Variants in NVL observed in about 807,000 individuals in gnomAD.
NVL encodes nuclear valosin-containing protein-like.
In NVL, 84 loss-of-function variants were observed where a neutral mutation model predicts 110.2. The observed-to-expected ratio is 0.76, with a 90% CI of 0.64 to 0.91. The LOEUF is 0.91. NVL is among the 40% of genes least tolerant of loss of function. NVL has a pLI of 0.00. For missense variants in NVL, 882 were observed against 1,035.9 expected (o/e 0.85, Z 2.04); for synonymous variants, 354 against 361.1 (o/e 0.98, Z 0.22).
chr1:224,235,014 G>A (rs925956944), intron 20 of NVL, among the ~76,000 whole-genome samples: 2 of 152,038 alleles, frequency 1.3e-5, no homozygotes, highest in African/African-American at 4.8e-5. Flanking sequence ...TGTTGCCCAA[G>A]CTGGTCTTGA....
At chr1:224,250,413 G>A in intron 18 of NVL, 95 bp from the exon 19 acceptor site, 1 of 1,140,688 alleles carries the variant, frequency 8.8e-7, no homozygotes. Context: ...CTCCCAGGCT[G>A]GAGTGCAGTG....
chr1:224,295,960 CAAAAAA>C (rs942085228), intron 11 of NVL, among the ~76,000 whole-genome samples: 1 of 41,842 alleles, frequency 2.4e-5, no homozygotes, highest in Non-Finnish European at 4.7e-5. Flanking sequence ...GACTCTGTCT[CAAAAAA>C]AAAAAAAAAA....
intron 6 of NVL, among the ~76,000 whole-genome samples, chr1:224,307,251 G>C (rs1572023497): frequency 6.6e-6 from 1 of 152,160 alleles, no homozygotes; most frequent in African/African-American, 2.4e-5. Context: ...TGTACTTAGA[G>C]TTTGTAAAAT....
Position 224,268,126 on chromosome 1 carries a change from GC to G in NVL, c.2089del (p.Ala697GlnfsTer6). ...CPRRSDRETG[A>X]SVRVVNQLLT... ...TAGCTGATTCACCACTCGGACACTTGCCCCTGTCTAAAAAGACATAAATCTG... is the reference window on the plus strand; with the variant it reads ...TAGCTGATTCACCACTCGGACACTTGCCCTGTCTAAAAAGACATAAATCTG... On this transcript the variant is annotated frameshift_variant, in exon 18 of 23. Transcript: ENST00000281701. LOFTEE classifies it high-confidence loss of function. The G allele has an allele frequency of 6.2e-7, 1 of 1,612,210 alleles. No homozygotes were observed. Among genetic ancestry groups the G allele is most frequent in the East Asian group, 2.2e-5 (1 of 44,844 alleles).
At chr1:224,286,842 G>A (rs1028535607) in intron 14 of NVL, among the ~76,000 whole-genome samples, 5 of 152,010 alleles carry the variant, frequency 3.3e-5, no homozygotes, top group African/African-American at 4.8e-5. Flanking sequence ...CCTCTAAATC[G>A]ATCATATTTC....
rs190795730 is a variant in NVL, at chr1:224,321,344, G to A, written c.132-3414C>T. The stretch of plus-strand genomic sequence containing the variant: ...TGAGCCATACAAAACAAGGTGGTAG[G>A]CAGGAACTGGTTTGAGGGCCATAGT... On this transcript the variant is annotated intron_variant, in intron 2 of 22. Coordinates refer to ENST00000281701, the MANE Select transcript of NVL (RefSeq NM_002533.4). 2.0e-5 allele frequency among the ~76,000 whole-genome samples: 3 copies of A among 152,314 alleles called. No homozygotes were observed. The East Asian group carries it at 5.8e-4, about 29-fold the overall frequency.
intron 4 of NVL, among the ~76,000 whole-genome samples, chr1:224,313,989 C>T (rs970675770): frequency 9.9e-5 from 15 of 151,962 alleles, no homozygotes; most frequent in Non-Finnish European, 1.6e-4. Flanking sequence ...GGTGACAGAG[C>T]GAGATTCTGT....
chr1:224,237,521 C>T (rs1324610187), intron 19 of NVL, among the ~76,000 whole-genome samples: 1 of 152,148 alleles, frequency 6.6e-6, no homozygotes, highest in African/African-American at 2.4e-5. Context: ...AACCCAGTAA[C>T]TTGCATGCAT....
At chr1:224,264,165 C>A (rs554581043) in intron 18 of NVL, among the ~76,000 whole-genome samples, 1 of 151,992 alleles carries the variant, frequency 6.6e-6, no homozygotes, top group Non-Finnish European at 1.5e-5. Flanking sequence ...GCTGATAGTA[C>A]GTGGATCCAA....
At chr1:224,304,249 G>A (rs944753377) in intron 8 of NVL, among the ~76,000 whole-genome samples, 12 of 151,860 alleles carry the variant, frequency 7.9e-5, no homozygotes, top group Admixed American at 6.6e-4. Flanking sequence ...ACATGGTGAA[G>A]CCCTGTCTCT....
chr1:224,268,524 T>A (rs1664723142), intron 17 of NVL, among the ~76,000 whole-genome samples: 1 of 152,216 alleles, frequency 6.6e-6, no homozygotes, highest in Non-Finnish European at 1.5e-5. Context: ...TTGGTAGAGA[T>A]GGGGTCTTGC....
chr1:224,321,643 C>T (rs1156845154), intron 2 of NVL, among the ~76,000 whole-genome samples: 2 of 151,218 alleles, frequency 1.3e-5, no homozygotes, highest in African/African-American at 2.4e-5. Flanking sequence ...GTAGTCCTGG[C>T]TACTTGGGAG....
At chr1:224,326,663 A>G (rs1379816035) in intron 1 of NVL, among the ~76,000 whole-genome samples, 199 bp from the exon 2 acceptor site, 1 of 152,222 alleles carries the variant, frequency 6.6e-6, no homozygotes, top group Non-Finnish European at 1.5e-5. Flanking sequence ...ATTAATCACT[A>G]TAATACAATA....
intron 6 of NVL, among the ~76,000 whole-genome samples, chr1:224,307,198 C>T (rs1444679497): frequency 2.6e-5 from 4 of 152,162 alleles, no homozygotes; most frequent in Non-Finnish European, 2.9e-5. Context: ...GTTAATAGCA[C>T]ATCTCAATTT....
intron 2 of NVL, among the ~76,000 whole-genome samples, chr1:224,318,182 T>C (rs78813558): frequency 6.6e-6 from 1 of 152,338 alleles, no homozygotes; most frequent in East Asian, 1.9e-4. Context: ...TTACTAAAAA[T>C]ATGAAAGAAA....
Position 224,296,630 on chromosome 1 carries a change from A to C in NVL, c.1063-12T>G. The C allele has an allele frequency of 1.3e-6, 2 of 1,494,660 alleles. No individual in the cohort carries two copies. Among genetic ancestry groups the C allele is most frequent in the East Asian group, 2.3e-5 (1 of 43,968 alleles). 92.6% of individuals were successfully genotyped at this position (1,494,660 alleles called of 1,614,324 possible). On this transcript the variant is annotated splice_polypyrimidine_tract_variant and intron_variant, in intron 10 of 22. Coordinates refer to ENST00000281701, the MANE Select transcript of NVL (RefSeq NM_002533.4). ...CATGGTGCATTTGACTAGAAATAAA[A>C]ATATCACAAAAAGACAATCATAAAT...
Position 224,237,664 on chromosome 1 carries a change from G to A in NVL, c.2290-1082C>T, listed in dbSNP as rs902918752. ...CAACCACAACAGACTTGACCTCCTC[G>A]GCACAAGAGATCCTTCTACCTCAGC... On this transcript the variant is annotated intron_variant, in intron 19 of 22. Coordinates refer to ENST00000281701, the MANE Select transcript of NVL (RefSeq NM_002533.4). Among the ~76,000 whole-genome samples, 6 of 151,704 alleles carry A rather than the reference G, an allele frequency of 4.0e-5. No individual in the cohort carries two copies. The East Asian group carries it at 5.8e-4, about 15-fold the overall frequency.
Position 224,287,755 on chromosome 1 carries a change from T to C in NVL, c.1794+20A>G, listed in dbSNP as rs761922018. On this transcript the variant is annotated intron_variant, in intron 14 of 22. Transcript: ENST00000281701. ...TTAATCCATGACATGCCAATAATAT[T>C]TGGCAGCTGATATACCTACCAATAT... 24 of 1,598,566 alleles carry C rather than the reference T, an allele frequency of 1.5e-5. No homozygotes were observed. Among genetic ancestry groups the C allele is most frequent in the Non-Finnish European group, 2.0e-5 (23 of 1,166,316 alleles).
At chr1:224,322,868 C>T (rs557813452) in intron 2 of NVL, among the ~76,000 whole-genome samples, 9 of 152,028 alleles carry the variant, frequency 5.9e-5, no homozygotes, top group South Asian at 2.1e-4. Flanking sequence ...GCAGGAGAAT[C>T]GCTTGAACCA....
Sources: gnomAD v4.1 joint callset for allele counts (sites outside exome capture counted in the v4.1 genomes callset) on GRCh38, gnomAD v4.1.1 for gene constraint, MANE v1.5 for transcripts, NCBI Gene and HGNC (gene_info 2026-07-23, HGNC 2026-07-21) for gene names.